The following TBL1X variants were observed in gnomAD, a reference collection of about 807,000 sequenced individuals.
TBL1X encodes the protein transducin beta like 1 X-linked.
Under a neutral mutation model 50.7 loss-of-function variants are expected in TBL1X, and 10 were observed. That is an observed-to-expected ratio of 0.20 (90% confidence interval 0.12 to 0.33). The LOEUF is 0.33. Ranked by LOEUF, TBL1X falls within the 10% of genes least tolerant of loss-of-function variation. The pLI is 1.00. For synonymous variants in TBL1X, 190 were observed against 214.7 expected, an observed-to-expected ratio of 0.88 and a Z score of 1.01; for missense variants, 340 against 504.4, an observed-to-expected ratio of 0.67 and a Z score of 3.12.
intron 2 of TBL1X, among the ~76,000 whole-genome samples, chrX:9,596,063 A>G (rs1468997329): frequency 2.7e-5 from 3 of 112,041 alleles, no homozygotes; most frequent in Non-Finnish European, 5.6e-5. Context: ...ACATTACACT[A>G]TTTACCTGGG....
chrX:9,693,368 C>T lies in TBL1X; in HGVS notation c.1002C>T (p.Ala334=), dbSNP rs773990033. 4.1e-6 allele frequency: 5 copies of T among 1,210,865 alleles called. No homozygotes were observed. Among genetic ancestry groups the T allele is most frequent in the Non-Finnish European group, 5.6e-6 (5 of 895,057 alleles). ...GCCAACATAAAGGCCCCATCTTTGC[C>T]TTGAAATGGAACCGAAAGGGGAATT... The part of the protein sequence containing the change: ...TLGQHKGPIF[A]LKWNRKGNYI... Residue 334 remains alanine (A), a synonymous_variant, in exon 11 of 18, where the codon GCC becomes GCT. Coordinates refer to ENST00000645353, the MANE Select transcript of TBL1X (RefSeq NM_005647.4).
At chrX:9,531,352 A>AGG (rs757530571) in intron 2 of TBL1X, among the ~76,000 whole-genome samples, 332 of 32,433 alleles carry the variant, frequency 0.01, 1 homozygote, top group Admixed American at 0.024. Flanking sequence ...AAGAACCTGG[A>AGG]GGGTGTGTGT....
At chrX:9,586,655 C>G (rs1197403709) in intron 2 of TBL1X, among the ~76,000 whole-genome samples, 1 of 112,292 alleles carries the variant, frequency 8.9e-6, no homozygotes, top group African/African-American at 3.2e-5. Flanking sequence ...AGTTCCAGGG[C>G]TATGGGAGGC....
chrX:9,563,597 C>G (rs953094645), intron 2 of TBL1X, among the ~76,000 whole-genome samples: 33 of 112,395 alleles, frequency 2.9e-4, no homozygotes, highest in African/African-American at 1.1e-3. Flanking sequence ...TGGTAGCCAC[C>G]AGCTGTACAT....
chrX:9,641,030 C>T (rs1156546288), intron 3 of TBL1X, among the ~76,000 whole-genome samples: 1 of 112,219 alleles, frequency 8.9e-6, no homozygotes, highest in Non-Finnish European at 1.9e-5. Flanking sequence ...CTCTTGTCAA[C>T]ATTATCAATT....
At chrX:9,644,870 CTG>C (rs1352247409) in intron 3 of TBL1X, 1 of 111,613 alleles carries the variant, frequency 9.0e-6, no homozygotes, top group South Asian at 3.7e-4. Context: ...GTTGGCCAGT[CTG>C]GTCTCAAACT....
chrX:9,613,994 AAAAAAAAAAG>A (rs1384877641), intron 2 of TBL1X, among the ~76,000 whole-genome samples: 1 of 109,060 alleles, frequency 9.2e-6, no homozygotes, highest in African/African-American at 3.3e-5. Flanking sequence ...TCAAAAAAAA[AAAAAAAAAAG>A]AAAAGAAAAA....
At chrX:9,646,538 T>G (rs2146593304) in intron 3 of TBL1X, among the ~76,000 whole-genome samples, 1 of 112,022 alleles carries the variant, frequency 8.9e-6, no homozygotes, top group South Asian at 3.7e-4. Flanking sequence ...TGAAGCAACT[T>G]GGAGAAAGAG....
chrX:9,551,027 C>T (rs761834436), intron 2 of TBL1X, among the ~76,000 whole-genome samples: 134 of 110,978 alleles, frequency 1.2e-3, no homozygotes, highest in African/African-American at 4.2e-3. Context: ...GGAACTGCCT[C>T]GGGGGATGTG....
chrX:9,711,011 A>G (rs2083242980), intron 15 of TBL1X, among the ~76,000 whole-genome samples: 1 of 112,166 alleles, frequency 8.9e-6, no homozygotes, highest in Non-Finnish European at 1.9e-5. Context: ...CTTGATAAAT[A>G]TTCTACAAAA....
At chrX:9,601,914 C>T (rs148451891) in intron 2 of TBL1X, among the ~76,000 whole-genome samples, 1 of 111,215 alleles carries the variant, frequency 9.0e-6, no homozygotes, top group Non-Finnish European at 1.9e-5. Context: ...CATGGTGGCA[C>T]ACATCTGGAA....
chrX:9,710,931 T>C (rs2083242660), intron 15 of TBL1X, among the ~76,000 whole-genome samples: 1 of 112,441 alleles, frequency 8.9e-6, no homozygotes, highest in South Asian at 3.6e-4. Flanking sequence ...TTTCCAAATA[T>C]GGCTGTCTGT....
intron 2 of TBL1X, among the ~76,000 whole-genome samples, chrX:9,511,864 G>GT (rs200432769): frequency 6.2e-4 from 68 of 110,200 alleles, no homozygotes; most frequent in African/African-American, 1.5e-3. Flanking sequence ...ACATTTATCT[G>GT]TTTTTTTTTC....
chrX:9,489,380 C>G (rs1280247742), intron 1 of TBL1X, among the ~76,000 whole-genome samples: 2 of 111,898 alleles, frequency 1.8e-5, no homozygotes, highest in Non-Finnish European at 3.8e-5. Context: ...AGCATTTTGG[C>G]TCAAAAATAG....
intron 2 of TBL1X, among the ~76,000 whole-genome samples, chrX:9,625,083 T>TA (rs1490541748): frequency 8.4e-4 from 95 of 112,578 alleles, no homozygotes; most frequent in Admixed American, 1.4e-3. Context: ...AAGTTCCTTT[T>TA]AAAAAAATGG....
At chrX:9,636,506 CAA>C (rs2082748281) in intron 2 of TBL1X, 1 of 110,347 alleles carries the variant, frequency 9.1e-6, no homozygotes, top group African/African-American at 3.3e-5. Flanking sequence ...ACAACAACAA[CAA>C]CAACAACAAC....
intron 3 of TBL1X, among the ~76,000 whole-genome samples, chrX:9,653,168 G>T (rs2082846076): frequency 2.7e-5 from 3 of 112,832 alleles, no homozygotes; most frequent in Admixed American, 1.9e-4. Context: ...CGTCTCAAAA[G>T]AAAAAAGATG....
rs139287289 is a variant in TBL1X, at chrX:9,632,276, G to A, written c.-130-7997G>A. The stretch of plus-strand genomic sequence containing the variant: ...TTTGATCTTGGAATCCTTAAAATGC[G>A]TTTTTGGTTTTTGTGGTTTTTTTGA... On this transcript the variant is annotated intron_variant, in intron 2 of 17. Coordinates refer to ENST00000645353, the MANE Select transcript of TBL1X (RefSeq NM_005647.4). 3.9e-3 allele frequency among the ~76,000 whole-genome samples: 431 copies of A among 111,050 alleles called. 1 individual carries two copies. The highest frequency in any genetic ancestry group is 0.013 in the African/African-American group (408 of 30,565).
chrX:9,656,971 C>G (rs1056901274), intron 5 of TBL1X, among the ~76,000 whole-genome samples: 45 of 112,056 alleles, frequency 4.0e-4, no homozygotes, highest in African/African-American at 1.3e-3. Flanking sequence ...GCTTCCTCCT[C>G]AAGCACCTGT....
Sources: gnomAD v4.1 joint callset for allele counts (sites outside exome capture counted in the v4.1 genomes callset) on GRCh38, gnomAD v4.1.1 for gene constraint, MANE v1.5 for transcripts, NCBI Gene and HGNC (gene_info 2026-07-23, HGNC 2026-07-21) for gene names.